The following LRFN2 variants were observed in gnomAD, a reference collection of about 807,000 sequenced individuals.
LRFN2 encodes leucine rich repeat and fibronectin type III domain containing 2.
A neutral mutation model predicts 37.3 loss-of-function variants in LRFN2; 18 were observed. The observed-to-expected ratio is 0.48, with a 90% confidence interval of 0.33 to 0.72. The LOEUF (loss-of-function observed/expected upper bound fraction) is 0.72, where lower values mean the gene tolerates loss of function less well. Among genes scored for constraint, LRFN2 ranks in the 30% least tolerant of loss-of-function variants. The pLI, the probability that LRFN2 is intolerant of heterozygous loss-of-function variation, is 0.02. For missense variants in LRFN2, 1,006 were observed against 1,060.7 expected (o/e 0.95, Z 0.72); for synonymous variants, 556 against 466.6 (o/e 1.19, Z -2.47).
intron 2 of LRFN2, among the ~76,000 whole-genome samples, chr6:40,413,666 T>C (rs1763023760): frequency 6.6e-6 from 1 of 152,206 alleles, no homozygotes; most frequent in Non-Finnish European, 1.5e-5. Flanking sequence ...TGCATCAGCC[T>C]GCCTGCCTCA....
chr6:40,555,177 G>A (rs6935541), intron 1 of LRFN2, among the ~76,000 whole-genome samples: 72,139 of 151,958 alleles, frequency 0.47, 18,170 homozygotes, highest in African/African-American at 0.65. Flanking sequence ...TCAGCACCCC[G>A]CAAGGGCAAG....
At chr6:40,560,955 C>G (rs1054937770) in intron 1 of LRFN2, among the ~76,000 whole-genome samples, 1 of 152,288 alleles carries the variant, frequency 6.6e-6, no homozygotes, top group Admixed American at 6.5e-5. Flanking sequence ...TCTTCCCTGT[C>G]TGTAATTTGA....
At chr6:40,553,462 G>C (rs771464283) in intron 1 of LRFN2, among the ~76,000 whole-genome samples, 1 of 152,124 alleles carries the variant, frequency 6.6e-6, no homozygotes, top group Non-Finnish European at 1.5e-5. Flanking sequence ...GGACATCTTG[G>C]GGAGCTGAGC....
intron 1 of LRFN2, among the ~76,000 whole-genome samples, chr6:40,551,699 G>A (rs553436007): frequency 1.3e-5 from 2 of 152,122 alleles, no homozygotes; most frequent in African/African-American, 2.4e-5. Context: ...GATTGATTCC[G>A]GGATAGAACT....
intron 1 of LRFN2, among the ~76,000 whole-genome samples, chr6:40,462,771 A>G (rs1387795695): frequency 1.3e-5 from 2 of 152,208 alleles, no homozygotes; most frequent in East Asian, 3.9e-4. Context: ...CCAAGGTAAC[A>G]AAGAGTGGAA....
chr6:40,554,215 AC>A (rs1318825244), intron 1 of LRFN2, among the ~76,000 whole-genome samples: 5 of 152,180 alleles, frequency 3.3e-5, no homozygotes, highest in Non-Finnish European at 7.3e-5. Context: ...AGAACAGGCT[AC>A]CTGGAAGTCA....
chr6:40,415,338 G>T (rs926829900), intron 2 of LRFN2, among the ~76,000 whole-genome samples: 3 of 152,020 alleles, frequency 2.0e-5, no homozygotes, highest in Admixed American at 6.5e-5. Context: ...TGACTCTCCT[G>T]CCTCAGCCCC....
intron 2 of LRFN2, among the ~76,000 whole-genome samples, chr6:40,399,591 C>T (rs994219863): frequency 2.6e-5 from 4 of 151,422 alleles, no homozygotes; most frequent in Non-Finnish European, 4.4e-5. Context: ...GTGCACGCCA[C>T]CAAGCCTGGC....
chr6:40,444,279 A>G (rs576417308), intron 1 of LRFN2, among the ~76,000 whole-genome samples: 22 of 152,272 alleles, frequency 1.4e-4, no homozygotes, highest in African/African-American at 5.1e-4. Flanking sequence ...AAGAAGGGGG[A>G]AAAGGAGAAA....
chr6:40,496,342 G>A (rs945491248), intron 1 of LRFN2, among the ~76,000 whole-genome samples: 2 of 152,130 alleles, frequency 1.3e-5, no homozygotes, highest in Admixed American at 1.3e-4. Flanking sequence ...CCGGAATCAG[G>A]TCAGGTCAGC....
chr6:40,503,993 A>G (rs1765460014), intron 1 of LRFN2, among the ~76,000 whole-genome samples: 1 of 151,816 alleles, frequency 6.6e-6, no homozygotes, highest in African/African-American at 2.4e-5. Context: ...TAAGATGTTC[A>G]TGCAGGGGTG....
chr6:40,514,109 T>C (rs1331134609), intron 1 of LRFN2, among the ~76,000 whole-genome samples: 1 of 151,662 alleles, frequency 6.6e-6, no homozygotes, highest in Non-Finnish European at 1.5e-5. Flanking sequence ...TAAGATCCAG[T>C]GAGAGGCAGG....
chr6:40,468,600 T>C (rs375482811), intron 1 of LRFN2, among the ~76,000 whole-genome samples: 1 of 152,172 alleles, frequency 6.6e-6, no homozygotes. Flanking sequence ...GTAGTGAGAT[T>C]AAACCAGATC....
intron 1 of LRFN2, among the ~76,000 whole-genome samples, chr6:40,537,158 A>G (rs902026598): frequency 6.6e-6 from 1 of 152,170 alleles, no homozygotes; most frequent in African/African-American, 2.4e-5. Flanking sequence ...CTCACTCCCT[A>G]AAAGGACTGT....
In LRFN2 at chr6:40,391,998, A is replaced by G. The variant is rs2113788011; in HGVS notation, c.2315T>C (p.Val772Ala). Residue 772 changes from valine to alanine, a missense_variant, in exon 3 of 3, where the codon GTG becomes GCG. Physicochemically the swap from Val to Ala is moderately conservative, Grantham distance 64. This residue lies in a region of LRFN2 where 398 missense variants were observed against 327.6 expected (regional missense o/e 1.21). Transcript: ENST00000338305. The part of the protein sequence containing the change: ...MLLPFEESDL[V>A]GARGTFGSSE... ...GCTGCCAAAAGTCCCCCGGGCCCCCACCAGGTCACTCTCCTCAAAGGGCAA... is the reference window on the plus strand; with the variant it reads ...GCTGCCAAAAGTCCCCCGGGCCCCCGCCAGGTCACTCTCCTCAAAGGGCAA... 6.2e-7 allele frequency: 1 copy of G among 1,606,058 alleles called. No homozygotes were observed. Among genetic ancestry groups the G allele is most frequent in the Non-Finnish European group, 8.5e-7 (1 of 1,176,406 alleles).
chr6:40,394,075 T>C (rs1762567709), intron 2 of LRFN2, among the ~76,000 whole-genome samples: 1 of 152,102 alleles, frequency 6.6e-6, no homozygotes, highest in Non-Finnish European at 1.5e-5. Context: ...GGGAAGAGTT[T>C]CTTTAGTAGA....
chr6:40,557,214 C>A (rs1488352376), intron 1 of LRFN2, among the ~76,000 whole-genome samples: 1 of 152,212 alleles, frequency 6.6e-6, no homozygotes, highest in Admixed American at 6.5e-5. Context: ...GCACATGGCC[C>A]ACCTTTTGCG....
At chr6:40,514,630 C>T (rs1019591460) in intron 1 of LRFN2, among the ~76,000 whole-genome samples, 1 of 152,246 alleles carries the variant, frequency 6.6e-6, no homozygotes, top group Middle Eastern at 3.4e-3. Flanking sequence ...TTACATGTGA[C>T]TAGGTAAATC....
chr6:40,409,054 A>G (rs72664250), intron 2 of LRFN2, among the ~76,000 whole-genome samples: 3,103 of 152,262 alleles, frequency 0.02, 129 homozygotes, highest in East Asian at 0.18. Context: ...CACCCCTTAC[A>G]GGCTCCACTT....
Sources: gnomAD v4.1 joint callset for allele counts (sites outside exome capture counted in the v4.1 genomes callset) on GRCh38, gnomAD v4.1.1 for gene constraint, gnomAD v4.1.1 regional missense constraint, MANE v1.5 for transcripts, NCBI Gene and HGNC (gene_info 2026-07-23, HGNC 2026-07-21) for gene names.